The following SPOCK1 variants were observed in gnomAD, a reference collection of about 807,000 sequenced individuals.
SPOCK1 encodes SPARC (osteonectin), cwcv and kazal like domains proteoglycan 1.
SPOCK1 carries 23 observed loss-of-function variants against 55.3 expected under a neutral mutation model. The observed-to-expected ratio is 0.42, with a 90% CI of 0.30 to 0.59. SPOCK1 has a LOEUF of 0.59. SPOCK1 is among the 20% of genes least tolerant of loss of function. SPOCK1 has a pLI of 0.22. For synonymous variants in SPOCK1, 226 were observed against 221.0 expected (o/e 1.02, Z -0.20); for missense variants, 499 against 552.5 (o/e 0.90, Z 0.97).
At chr5:137,096,547 C>T (rs1315038080) in intron 5 of SPOCK1, among the ~76,000 whole-genome samples, 11 of 152,128 alleles carry the variant, frequency 7.2e-5, no homozygotes, top group Non-Finnish European at 1.3e-4. Context: ...GAGAAATTAA[C>T]GCAGGCATAA....
chr5:137,025,823 G>A (rs373652686), intron 6 of SPOCK1, among the ~76,000 whole-genome samples: 5 of 152,170 alleles, frequency 3.3e-5, no homozygotes, highest in Middle Eastern at 3.2e-3. Flanking sequence ...CAATAAAACC[G>A]AGGTTAAAAT....
At chr5:137,299,097 C>T (rs1031857578) in intron 2 of SPOCK1, among the ~76,000 whole-genome samples, 14 of 152,028 alleles carry the variant, frequency 9.2e-5, no homozygotes, top group Admixed American at 4.6e-4. Flanking sequence ...TTTTAGCATA[C>T]CATTTTAATT....
intron 3 of SPOCK1, among the ~76,000 whole-genome samples, chr5:137,171,532 C>T (rs1417725920): frequency 6.6e-6 from 1 of 152,144 alleles, no homozygotes; most frequent in African/African-American, 2.4e-5. Flanking sequence ...TAAATGTCTG[C>T]TGGATCAAGG....
intron 3 of SPOCK1, among the ~76,000 whole-genome samples, chr5:137,247,439 TG>T (rs1756417685): frequency 6.6e-6 from 1 of 152,238 alleles, no homozygotes; most frequent in African/African-American, 2.4e-5. Flanking sequence ...CCTATGATTA[TG>T]GAATTAATGC....
chr5:137,498,908 A>G (rs1035073797), intron 1 of SPOCK1, among the ~76,000 whole-genome samples: 112 of 812 alleles, frequency 0.14, 1 homozygote, highest in Admixed American at 0.21. Context: ...GCACTCCCAC[A>G]GACGGTGCGG....
intron 3 of SPOCK1, among the ~76,000 whole-genome samples, chr5:137,184,947 G>C (rs1230865343): frequency 6.6e-6 from 1 of 152,158 alleles, no homozygotes; most frequent in Non-Finnish European, 1.5e-5. Context: ...TCACCACACT[G>C]TCCCTGTCAT....
chr5:137,368,800 CTG>C (rs910474899), intron 2 of SPOCK1, among the ~76,000 whole-genome samples: 6 of 152,196 alleles, frequency 3.9e-5, no homozygotes, highest in African/African-American at 1.4e-4. Context: ...GCACACAGGA[CTG>C]TGTGTTCCAG....
chr5:137,286,017 G>A (rs1757257490), intron 2 of SPOCK1, among the ~76,000 whole-genome samples: 1 of 152,160 alleles, frequency 6.6e-6, no homozygotes, highest in Admixed American at 6.5e-5. Context: ...GCTGGAGCAG[G>A]CCTGTAGGCT....
At chr5:136,988,286 G>T in intron 8 of SPOCK1, 136 bp downstream of exon 8, 2 of 658,290 alleles carry the variant, frequency 3.0e-6, no homozygotes, top group Non-Finnish European at 2.6e-6. Context: ...ATGAGACTTT[G>T]GGCCTGGCAT....
At chr5:137,081,706 T>G (rs1322471137) in intron 5 of SPOCK1, among the ~76,000 whole-genome samples, 1 of 152,240 alleles carries the variant, frequency 6.6e-6, no homozygotes, top group Non-Finnish European at 1.5e-5. Flanking sequence ...AAAGTGATAT[T>G]TTTTAAATGA....
At chr5:137,325,583 A>G (rs2127148926) in intron 2 of SPOCK1, among the ~76,000 whole-genome samples, 1 of 152,322 alleles carries the variant, frequency 6.6e-6, no homozygotes, top group East Asian at 1.9e-4. Flanking sequence ...ATATCACTCA[A>G]TGATTTATGA....
rs142835177 is a variant in SPOCK1, at chr5:137,331,143, C to A, written c.187-64088G>T. 2.0e-5 allele frequency among the ~76,000 whole-genome samples: 3 copies of A among 152,254 alleles called. No homozygotes were observed. The East Asian group carries it at 5.8e-4, about 29-fold the overall frequency. On this transcript the variant is annotated intron_variant, in intron 2 of 10. Transcript: ENST00000394945. Reference sequence around the variant, plus strand: ...AGCTGTACAGCAGTGTTCATGCTACCCTGTCTAAGGCCAAGGGACTGTTTG... The same window carrying A: ...AGCTGTACAGCAGTGTTCATGCTACACTGTCTAAGGCCAAGGGACTGTTTG...
chr5:136,987,352 G>T, intron 8 of SPOCK1, among the ~76,000 whole-genome samples: 2 of 152,194 alleles, frequency 1.3e-5, no homozygotes, highest in Admixed American at 1.3e-4. Flanking sequence ...ACAAGAACCT[G>T]ATAGAAAAAA....
chr5:137,364,296 T>C (rs1160842356), intron 2 of SPOCK1, among the ~76,000 whole-genome samples: 3 of 152,060 alleles, frequency 2.0e-5, no homozygotes, highest in African/African-American at 4.8e-5. Flanking sequence ...CTAGAGGCAA[T>C]GATGTTGGGG....
intron 2 of SPOCK1, among the ~76,000 whole-genome samples, chr5:137,271,969 A>T (rs1164557368): frequency 2.6e-5 from 4 of 152,206 alleles, no homozygotes; most frequent in Non-Finnish European, 5.9e-5. Context: ...TGGGAGCCTC[A>T]TTTGTCTTGA....
chr5:136,991,701 T>C (rs1401828815), intron 7 of SPOCK1, among the ~76,000 whole-genome samples: 1 of 152,194 alleles, frequency 6.6e-6, no homozygotes, highest in Admixed American at 6.5e-5. Flanking sequence ...TGTTTAGTAA[T>C]CTATTCTGTG....
chr5:137,279,358 G>T (rs757780717), intron 2 of SPOCK1, among the ~76,000 whole-genome samples: 1 of 152,154 alleles, frequency 6.6e-6, no homozygotes, highest in African/African-American at 2.4e-5. Flanking sequence ...ATTAGCTATG[G>T]GTACACAGAG....
At chr5:137,005,776 C>A (rs1381889988) in intron 6 of SPOCK1, among the ~76,000 whole-genome samples, 1 of 151,870 alleles carries the variant, frequency 6.6e-6, no homozygotes, top group Non-Finnish European at 1.5e-5. Context: ...CAAAGGAAAC[C>A]CTATATATGG....
intron 4 of SPOCK1, among the ~76,000 whole-genome samples, chr5:137,125,047 AAATGG>A (rs1173018353): frequency 6.6e-6 from 1 of 152,200 alleles, no homozygotes; most frequent in East Asian, 1.9e-4. Context: ...AAACAAAAGG[AAATGG>A]AATATACTCA....
Sources: allele counts gnomAD v4.1 joint callset (sites outside exome capture counted in the v4.1 genomes callset), GRCh38; gene constraint gnomAD v4.1.1; transcripts MANE v1.5; gene names NCBI Gene and HGNC (gene_info 2026-07-23, HGNC 2026-07-21).